Variants in SUPT20H observed in about 807,000 individuals in gnomAD.
SUPT20H encodes the protein transcription factor SPT20 homolog.
A neutral mutation model predicts 122.8 loss-of-function variants in SUPT20H; 82 were observed. The ratio of observed to expected loss-of-function variants is 0.67; its 90% CI spans 0.56 to 0.80. SUPT20H has a LOEUF of 0.80. Ranked by LOEUF, SUPT20H falls within the 30% of genes least tolerant of loss-of-function variation. The pLI, the probability that SUPT20H is intolerant of heterozygous loss-of-function variation, is 0.00. For synonymous variants in SUPT20H, 291 were observed against 313.0 expected (o/e 0.93, Z 0.74); for missense variants, 831 against 921.6 (o/e 0.90, Z 1.27).
intron 1 of SUPT20H, among the ~76,000 whole-genome samples, chr13:37,058,630 C>T (rs970959750): frequency 2.0e-5 from 3 of 152,178 alleles, no homozygotes; most frequent in Non-Finnish European, 4.4e-5. Context: ...TGTGAGGAAA[C>T]TGTAATCATT....
intron 7 of SUPT20H, among the ~76,000 whole-genome samples, chr13:37,041,392 C>T (rs2065438147): frequency 6.6e-6 from 1 of 151,886 alleles, no homozygotes; most frequent in Admixed American, 6.6e-5. Flanking sequence ...GTGGCGAGCG[C>T]CTGTAGTCCC....
intron 25 of SUPT20H, among the ~76,000 whole-genome samples, chr13:37,010,319 T>C (rs1378446859): frequency 1.3e-5 from 2 of 152,242 alleles, no homozygotes; most frequent in East Asian, 1.9e-4. Context: ...TGTATGTTAA[T>C]GTGCCACCAG....
In SUPT20H at chr13:37,040,399, A is replaced by C. The variant is rs771661783; in HGVS notation, c.567+6T>G. ...CTGTTTGAGATTAAAAAACAAAACA[A>C]CTAACCTGGGTCCATTTGTGGTTAT... On this transcript the variant is annotated splice_donor_region_variant and intron_variant, in intron 9 of 25. Transcript: ENST00000350612. The C allele has an allele frequency of 6.4e-7, 1 of 1,559,814 alleles. No homozygotes were observed. The highest frequency in any genetic ancestry group is 2.2e-5 in the Admixed American group (1 of 45,772).
At chr13:37,039,280 A>G (rs1363057208) in intron 9 of SUPT20H, 1 of 152,236 alleles carries the variant, frequency 6.6e-6, no homozygotes, top group Admixed American at 6.5e-5. Context: ...AGAGCTTTCA[A>G]TAGAAATTTT....
chr13:37,024,374 G>A lies in SUPT20H; in HGVS notation c.1398C>T (p.Ile466=). The A allele has an allele frequency of 6.3e-7, 1 of 1,592,852 alleles. No individual in the cohort carries two copies. Among genetic ancestry groups the A allele is most frequent in the South Asian group, 1.2e-5 (1 of 86,186 alleles). Residue 466 remains isoleucine, a synonymous_variant, in exon 18 of 26, where the codon ATC becomes ATT. Coordinates refer to ENST00000350612, the MANE Select transcript of SUPT20H (RefSeq NM_001014286.3). ...GKGVKHRPPP[I]KLPSSSGNSS... is the part of the protein sequence containing the mutation. ...TATTTCCTGAGCTTGAGGGAAGTTT[G>A]ATTGGTGGGGGTCGATGTTTTACAC...
At chr13:37,045,906 T>G (rs2066329205) in intron 5 of SUPT20H, among the ~76,000 whole-genome samples, 1 of 152,068 alleles carries the variant, frequency 6.6e-6, no homozygotes, top group Non-Finnish European at 1.5e-5. Flanking sequence ...TAAGACGAAG[T>G]AAGCAATTTG....
At chr13:37,044,320 T>C in intron 6 of SUPT20H, 139 bp from the exon 7 acceptor site, 1 of 572,418 alleles carries the variant, frequency 1.7e-6, no homozygotes. Flanking sequence ...AAAATAAAAA[T>C]AAAAAACAAA....
rs1035755065 is a variant in SUPT20H at position 37,025,399 on chromosome 13, G to C, written c.1250C>G (p.Ala417Gly). 2 of 1,613,746 alleles carry C rather than the reference G, an allele frequency of 1.2e-6. No individual in the cohort carries two copies. The highest frequency in any genetic ancestry group is 2.7e-5 in the African/African-American group (2 of 74,888). ...NQYQELVQNEAKCPVKMSHSS... is the reference protein window; with the variant it reads ...NQYQELVQNEGKCPVKMSHSS... ...GTGTGACATCTTGACCGGACATTTG[G>C]CTTCATTCTGGACTAATTCTTGGTA... Residue 417 changes from alanine (A) to glycine (G), a missense_variant, in exon 17 of 26, where the codon GCC becomes GGC. Coordinates refer to ENST00000350612, the MANE Select transcript of SUPT20H (RefSeq NM_001014286.3).
At chr13:37,012,086 T>C in intron 24 of SUPT20H, 106 bp downstream of exon 24, 2 of 848,270 alleles carry the variant, frequency 2.4e-6, no homozygotes, top group South Asian at 1.7e-5. Flanking sequence ...CTTTTTCCTG[T>C]TTACTGGTTG....
intron 9 of SUPT20H, among the ~76,000 whole-genome samples, chr13:37,037,680 C>A (rs935908558): frequency 6.6e-6 from 1 of 152,162 alleles, no homozygotes; most frequent in Non-Finnish European, 1.5e-5. Context: ...ATCCTATACT[C>A]AACTCAACTA....
intron 24 of SUPT20H, among the ~76,000 whole-genome samples, chr13:37,011,715 G>C (rs960787975): frequency 2.0e-5 from 3 of 152,068 alleles, no homozygotes; most frequent in African/African-American, 7.2e-5. Context: ...TGGAAGTGTT[G>C]AGAAGTAATT....
chr13:37,012,275 C>G lies in SUPT20H; in HGVS notation c.2015G>C (p.Ser672Thr), dbSNP rs751047995. 6.2e-7 allele frequency: 1 copy of G among 1,613,240 alleles called. No homozygotes were observed. The highest frequency in any genetic ancestry group is 8.5e-7 in the Non-Finnish European group (1 of 1,179,388). Residue 672 changes from serine (S) to threonine (T), a missense_variant, in exon 24 of 26, where the codon AGT becomes ACT. By Grantham distance (58) the Ser-to-Thr change is moderately conservative (BLOSUM62 1). Coordinates refer to ENST00000350612, the MANE Select transcript of SUPT20H (RefSeq NM_001014286.3). ...CTGAGCAGATAAGGCCTGTTCTTGA[C>G]TGGTTGAACCTTGCTCAGAACCCTG... ...GEQGSEQGSTSQEQALSAQQA... is the reference protein window; with the variant it reads ...GEQGSEQGSTTQEQALSAQQA...
chr13:37,025,559 T>A (rs750838601), intron 16 of SUPT20H, 122 bp from the exon 17 acceptor site: 106 of 634,608 alleles, frequency 1.7e-4, no homozygotes, highest in Non-Finnish European at 2.7e-4. Flanking sequence ...TTAACATAAA[T>A]ATTAAAAATT....
chr13:37,024,520 CAT>C (rs1442750766), intron 17 of SUPT20H, 78 bp from the exon 18 acceptor site: 2 of 978,718 alleles, frequency 2.0e-6, no homozygotes, highest in African/African-American at 1.7e-5. Context: ...TATTTAACTT[CAT>C]AGTTTATTAA....
In SUPT20H at chr13:37,040,672, T is replaced by C. The variant is rs1288639256; in HGVS notation, c.417A>G (p.Gly139=). 5.0e-6 allele frequency: 8 copies of C among 1,613,328 alleles called. No homozygotes were observed. Among genetic ancestry groups the C allele is most frequent in the Non-Finnish European group, 5.1e-6 (6 of 1,179,838 alleles). ...AGTCACGTATTTCTGCTATGACACA[T>C]CCGCAATGAAAAATATTAACCTGTT... The part of the protein sequence containing the change: ...EKSQVNIFHC[G]CVIAEIRDYR... The change falls in exon 8 of 26, where the codon GGA becomes GGG. Residue 139 remains glycine (G), a synonymous_variant. Coordinates refer to ENST00000350612, the MANE Select transcript of SUPT20H (RefSeq NM_001014286.3).
chr13:37,047,645 T>C (rs1283824233), intron 4 of SUPT20H, 44 bp from the exon 5 acceptor site: 1 of 1,331,060 alleles, frequency 7.5e-7, no homozygotes, highest in African/African-American at 1.5e-5. Flanking sequence ...GTTAACAGAG[T>C]AATCATCATG....
At chr13:37,018,127 A>T (rs537843946) in intron 22 of SUPT20H, among the ~76,000 whole-genome samples, 75 of 151,768 alleles carry the variant, frequency 4.9e-4, no homozygotes, top group African/African-American at 1.0e-3. Context: ...ATAATAATAA[A>T]AAAAAAATAA....
Position 37,051,586 on chromosome 13 carries a change from G to T in SUPT20H, c.-93-3C>A. Reference sequence around the variant, plus strand: ...CCTTTAACATCAATCTTACAGTACTGAAAAGCAAAAACAATAAAACCCCAA... The same window carrying T: ...CCTTTAACATCAATCTTACAGTACTTAAAAGCAAAAACAATAAAACCCCAA... On this transcript the variant is annotated splice_region_variant and splice_polypyrimidine_tract_variant and intron_variant, in intron 1 of 25. Coordinates refer to ENST00000350612, the MANE Select transcript of SUPT20H (RefSeq NM_001014286.3). 1 of 1,106,912 alleles carries T rather than the reference G, an allele frequency of 9.0e-7. No homozygotes were observed. The highest frequency in any genetic ancestry group is 1.6e-5 in the South Asian group (1 of 61,244). 68.6% of individuals were successfully genotyped at this position (1,106,912 alleles called of 1,614,324 possible).
chr13:37,054,181 C>A (rs1233108536), intron 1 of SUPT20H, among the ~76,000 whole-genome samples: 1 of 152,172 alleles, frequency 6.6e-6, no homozygotes, highest in Admixed American at 6.5e-5. Context: ...CCGAATTCTA[C>A]CAGAGGTACA....
Sources: allele counts gnomAD v4.1 joint callset (sites outside exome capture counted in the v4.1 genomes callset), GRCh38; gene constraint gnomAD v4.1.1; transcripts MANE v1.5; gene names NCBI Gene and HGNC (gene_info 2026-07-23, HGNC 2026-07-21).